The following WWOX variants were observed in gnomAD, a reference collection of about 807,000 sequenced individuals.
WWOX encodes the protein WW domain-containing oxidoreductase.
Under a neutral mutation model 46.2 loss-of-function variants are expected in WWOX, and 69 were observed. The ratio of observed to expected loss-of-function variants is 1.49; its 90% CI spans 1.23 to 1.82. The LOEUF is 1.82. WWOX is among the 40% of genes most tolerant of loss of function. WWOX has a pLI of 0.00. For synonymous variants in WWOX, 359 were observed against 202.6 expected, an observed-to-expected ratio of 1.77 and a Z score of -6.56; for missense variants, 919 against 542.6, an observed-to-expected ratio of 1.69 and a Z score of -6.89.
chr16:78,501,925 C>G (rs926813200), intron 8 of WWOX, among the ~76,000 whole-genome samples: 4 of 152,062 alleles, frequency 2.6e-5, no homozygotes, highest in African/African-American at 9.7e-5. Context: ...CACTGTGGTC[C>G]CACCTGCCCA....
chr16:78,691,423 A>G (rs77911114), intron 8 of WWOX: 9,420 of 629,118 alleles, frequency 0.015, 106 homozygotes, highest in South Asian at 0.032. Context: ...CTGGCTGGGC[A>G]TGGTGGTTCA....
intron 1 of WWOX, 43 bp downstream of exon 1, chr16:78,099,928 G>A (rs764267098): frequency 6.5e-7 from 1 of 1,545,268 alleles, no homozygotes; most frequent in Non-Finnish European, 8.7e-7. Flanking sequence ...CTGGGACCCT[G>A]CACAGCCCAC....
rs183093600 is a variant in WWOX, at chr16:78,386,372, C to T, written c.517-488C>T. Among the ~76,000 whole-genome samples, 43 of 152,224 alleles carry T rather than the reference C, an allele frequency of 2.8e-4. No individual in the cohort carries two copies. In the East Asian group the frequency reaches 5.0e-3, roughly 18 times the overall value. ...GTCCGTCAGAATCCATTGGTATAAACGAGTCTTTCTGCTTTTGTACTTTCT... is the reference window on the plus strand; with the variant it reads ...GTCCGTCAGAATCCATTGGTATAAATGAGTCTTTCTGCTTTTGTACTTTCT... On this transcript the variant is annotated intron_variant, in intron 5 of 8. Coordinates refer to ENST00000566780, the MANE Select transcript of WWOX (RefSeq NM_016373.4).
intron 8 of WWOX, among the ~76,000 whole-genome samples, chr16:79,093,600 G>A (rs543025385): frequency 2.0e-5 from 3 of 152,156 alleles, no homozygotes; most frequent in African/African-American, 7.2e-5. Context: ...CAGGCCTCCA[G>A]TGCCCGGTGC....
chr16:78,273,402 C>T (rs1054318197), intron 5 of WWOX, among the ~76,000 whole-genome samples: 2 of 152,134 alleles, frequency 1.3e-5, no homozygotes, highest in Non-Finnish European at 2.9e-5. Context: ...CATAAGTATG[C>T]TTCTGTGCGA....
chr16:79,110,055 G>A (rs528942732), intron 8 of WWOX, among the ~76,000 whole-genome samples: 49 of 152,272 alleles, frequency 3.2e-4, no homozygotes, highest in African/African-American at 1.2e-3. Context: ...ATTGAGCAGG[G>A]TGTGATCCTG....
chr16:79,061,905 A>G (rs1313412950), intron 8 of WWOX, among the ~76,000 whole-genome samples: 1 of 152,234 alleles, frequency 6.6e-6, no homozygotes, highest in Non-Finnish European at 1.5e-5. Context: ...CATGGAATGT[A>G]CAGTAACTGA....
At chr16:78,376,716 A>G (rs1457399716) in intron 5 of WWOX, among the ~76,000 whole-genome samples, 2 of 152,080 alleles carry the variant, frequency 1.3e-5, no homozygotes, top group Non-Finnish European at 2.9e-5. Context: ...ACAAGTTGCA[A>G]CAAGCAGAAA....
At chr16:78,774,474 G>T (rs1184295587) in intron 8 of WWOX, among the ~76,000 whole-genome samples, 1 of 151,442 alleles carries the variant, frequency 6.6e-6, no homozygotes, top group Non-Finnish European at 1.5e-5. Context: ...ATTTTTTCGG[G>T]CAGTTTCTTG....
intron 8 of WWOX, among the ~76,000 whole-genome samples, chr16:78,668,864 C>G (rs1436788987): frequency 6.6e-6 from 1 of 152,144 alleles, no homozygotes; most frequent in Non-Finnish European, 1.5e-5. Context: ...GTGGTGTTCA[C>G]TTGATAACTC....
intron 8 of WWOX, among the ~76,000 whole-genome samples, chr16:78,570,152 T>C (rs1232173657): frequency 6.6e-6 from 1 of 152,188 alleles, no homozygotes; most frequent in Non-Finnish European, 1.5e-5. Flanking sequence ...TTGTTTGCCT[T>C]TTTTAGAAAT....
intron 8 of WWOX, among the ~76,000 whole-genome samples, chr16:79,084,049 C>CTT (rs2048810369): frequency 6.6e-6 from 1 of 152,118 alleles, no homozygotes; most frequent in African/African-American, 2.4e-5. Flanking sequence ...ACAGGCAGAA[C>CTT]CAGACCATCG....
Position 78,347,600 on chromosome 16 carries a change from T to C in WWOX, c.517-39260T>C, listed in dbSNP as rs1168678404. Among the ~76,000 whole-genome samples, 7 of 120,992 alleles carry C rather than the reference T, an allele frequency of 5.8e-5. 1 individual carries two copies. The highest frequency in any genetic ancestry group is 1.2e-4 in the Non-Finnish European group (6 of 50,712). The allele number at this position is 120,992 out of a possible 152,430, so 79.4% of individuals were successfully genotyped here. A position where few individuals can be genotyped will look rare whatever the true frequency, so the allele number is the denominator to read the frequency against. ...AGCCCAAGGAGATACTTGATAAATA[T>C]TCGTCTAATAAATAAATGAACTTGT... On this transcript the variant is annotated intron_variant, in intron 5 of 8. Transcript: ENST00000566780.
chr16:78,123,762 G>C (rs766613617), intron 4 of WWOX: 1 of 151,226 alleles, frequency 6.6e-6, no homozygotes, highest in African/African-American at 2.4e-5. Flanking sequence ...GCAACCCTAT[G>C]TTTTTTTCTA....
rs1218128760 is a variant in WWOX at position 78,722,832 on chromosome 16, G to T, written c.1056+290080G>T. Among the ~76,000 whole-genome samples the T allele has an allele frequency of 4.6e-5, 7 of 151,802 alleles. No homozygotes were observed. In the South Asian group the frequency reaches 1.3e-3, roughly 27 times the overall value. ...AAGGCAGGAGGATTGCTTGAGCCCA[G>T]TAGTTCAAGATCAGTCTGGGCAACA... On this transcript the variant is annotated intron_variant, in intron 8 of 8. Transcript: ENST00000566780.
chr16:78,854,051 A>C (rs567895677), intron 8 of WWOX, among the ~76,000 whole-genome samples: 1 of 152,222 alleles, frequency 6.6e-6, no homozygotes, highest in Non-Finnish European at 1.5e-5. Context: ...AACCACTACT[A>C]TCATTTTGCT....
intron 8 of WWOX, among the ~76,000 whole-genome samples, chr16:78,496,966 A>G (rs1181402976): frequency 6.6e-6 from 1 of 152,254 alleles, no homozygotes; most frequent in Non-Finnish European, 1.5e-5. Context: ...GAAATGCTCA[A>G]ATCAAGGGAG....
chr16:79,163,249 G>T (rs184924566), intron 8 of WWOX, among the ~76,000 whole-genome samples: 103 of 152,274 alleles, frequency 6.8e-4, no homozygotes, highest in Admixed American at 1.2e-3. Flanking sequence ...AAAGAGACCA[G>T]AGAAAGAGAA....
intron 8 of WWOX, among the ~76,000 whole-genome samples, chr16:78,747,414 C>T (rs1300236885): frequency 5.9e-5 from 9 of 152,040 alleles, no homozygotes; most frequent in Non-Finnish European, 1.3e-4. Context: ...CTACCCTGAC[C>T]ATCCTACTTA....
Sources: gnomAD v4.1 joint callset for allele counts (sites outside exome capture counted in the v4.1 genomes callset) on GRCh38, gnomAD v4.1.1 for gene constraint, MANE v1.5 for transcripts, NCBI Gene and HGNC (gene_info 2026-07-23, HGNC 2026-07-21) for gene names.